The following INPP4B variants were observed in gnomAD, a reference collection of about 807,000 sequenced individuals.
INPP4B encodes the protein inositol polyphosphate 4-phosphatase type II.
Under a neutral mutation model 122.5 loss-of-function variants are expected in INPP4B, and 55 were observed. That is an observed-to-expected ratio of 0.45 (90% CI 0.36 to 0.56). The LOEUF (loss-of-function observed/expected upper bound fraction) is 0.56. INPP4B is among the 20% of genes least tolerant of loss of function. INPP4B has a pLI of 0.00. For synonymous variants in INPP4B, 403 were observed against 388.7 expected (o/e 1.04, Z -0.43); for missense variants, 1,000 against 1,097.7 (o/e 0.91, Z 1.26).
intron 8 of INPP4B, among the ~76,000 whole-genome samples, chr4:142,312,236 C>G (rs1256899688): frequency 6.6e-6 from 1 of 152,106 alleles, no homozygotes; most frequent in African/African-American, 2.4e-5. Context: ...GATGAGGAGC[C>G]AGTATAGAGA....
chr4:142,670,755 T>C (rs1167062727), intron 2 of INPP4B, among the ~76,000 whole-genome samples: 1 of 152,122 alleles, frequency 6.6e-6, no homozygotes, highest in Non-Finnish European at 1.5e-5. Flanking sequence ...CAATATTTAA[T>C]AATATATTGT....
At chr4:142,458,321 A>G (rs1337950396) in intron 3 of INPP4B, among the ~76,000 whole-genome samples, 1 of 152,088 alleles carries the variant, frequency 6.6e-6, no homozygotes, top group Non-Finnish European at 1.5e-5. Context: ...TTTGTGGGAT[A>G]ATGTTAAGTG....
At chr4:142,590,713 A>G (rs1474778782) in intron 2 of INPP4B, among the ~76,000 whole-genome samples, 1 of 151,724 alleles carries the variant, frequency 6.6e-6, no homozygotes, top group African/African-American at 2.4e-5. Flanking sequence ...ATATAAAAAG[A>G]TATTCATAAA....
intron 2 of INPP4B, among the ~76,000 whole-genome samples, chr4:142,629,809 T>C (rs1048964857): frequency 1.3e-5 from 2 of 152,104 alleles, no homozygotes; most frequent in Admixed American, 6.6e-5. Context: ...CTCTGCCCAA[T>C]TGCCCTTCAC....
chr4:142,225,310 C>A (rs1453391452), intron 12 of INPP4B, among the ~76,000 whole-genome samples: 1 of 152,094 alleles, frequency 6.6e-6, no homozygotes, highest in Non-Finnish European at 1.5e-5. Context: ...TGGCCACAGG[C>A]TGAAGGCTGC....
chr4:142,499,247 T>C (rs1715561910), intron 2 of INPP4B, among the ~76,000 whole-genome samples: 1 of 152,160 alleles, frequency 6.6e-6, no homozygotes. Flanking sequence ...ACTGCTCTTG[T>C]TGTTCATTTG....
At chr4:142,496,617 T>C (rs1822606982) in intron 2 of INPP4B, among the ~76,000 whole-genome samples, 1 of 152,198 alleles carries the variant, frequency 6.6e-6, no homozygotes, top group South Asian at 2.1e-4. Context: ...GTGAGAGTAT[T>C]GTTTCCTATT....
intron 15 of INPP4B, among the ~76,000 whole-genome samples, chr4:142,188,528 G>A (rs1326427511): frequency 2.0e-5 from 2 of 100,956 alleles, no homozygotes; most frequent in Admixed American, 1.2e-4. Context: ...AATATATATA[G>A]CTTGACTTAT....
rs77264271 is a variant in INPP4B, at chr4:142,299,169, T to G, written c.503+6289A>C. 6.7e-3 allele frequency among the ~76,000 whole-genome samples: 983 copies of G among 145,698 alleles called. 12 individuals carry two copies. Among genetic ancestry groups the G allele is most frequent in the South Asian group, 0.014 (66 of 4,622 alleles). On this transcript the variant is annotated intron_variant, in intron 9 of 25. Transcript: ENST00000262992. ...TTTTCTTTCTTTCTTTTTTTTTTTT[T>G]GGGGGGGAGACAGAGTCTTGCTCTT...
chr4:142,028,804 GTCCCCT>G lies in INPP4B; in HGVS notation c.2747_2752del (p.Glu916_Thr918delinsAla). The G allele has an allele frequency of 6.2e-7, 1 of 1,611,082 alleles. No homozygotes were observed. Among genetic ancestry groups the G allele is most frequent in the Non-Finnish European group, 8.5e-7 (1 of 1,179,016 alleles). On this transcript the variant is annotated inframe_deletion, in exon 26 of 26. Transcript: ENST00000262992. ...AACTTAGGTGTCAGCTTTTCCATAA[GTCCCCT>G]CTGGAGGTCTGTAGTACTTGGGGAA...
At chr4:142,526,829 A>G (rs2149961742) in intron 2 of INPP4B, among the ~76,000 whole-genome samples, 1 of 142,526 alleles carries the variant, frequency 7.0e-6, no homozygotes, top group Non-Finnish European at 1.5e-5. Flanking sequence ...TGTCATGTAA[A>G]AAGCAGGCCA....
intron 2 of INPP4B, among the ~76,000 whole-genome samples, chr4:142,550,362 C>T (rs1265181819): frequency 1.3e-5 from 2 of 151,962 alleles, no homozygotes; most frequent in African/African-American, 4.8e-5. Flanking sequence ...CTGTGTGGTA[C>T]ATAATTAAGG....
intron 12 of INPP4B, among the ~76,000 whole-genome samples, chr4:142,236,920 C>T (rs1856915025): frequency 6.6e-6 from 1 of 152,200 alleles, no homozygotes; most frequent in Non-Finnish European, 1.5e-5. Flanking sequence ...AGTGTTAACG[C>T]TTTAAAAGTT....
At chr4:142,121,223 G>A (rs562721287) in intron 21 of INPP4B, among the ~76,000 whole-genome samples, 2 of 148,352 alleles carry the variant, frequency 1.3e-5, no homozygotes, top group South Asian at 4.2e-4. Context: ...TTCTGAGGAT[G>A]TGGGTTTTTT....
At chr4:142,182,383 CA>C (rs1209542767) in intron 15 of INPP4B, among the ~76,000 whole-genome samples, 1 of 151,532 alleles carries the variant, frequency 6.6e-6, no homozygotes, top group Non-Finnish European at 1.5e-5. Context: ...CTCATCTCTA[CA>C]AAAAATACAA....
At chr4:142,386,312 T>C (rs963384246) in intron 7 of INPP4B, among the ~76,000 whole-genome samples, 1 of 152,196 alleles carries the variant, frequency 6.6e-6, no homozygotes, top group South Asian at 2.1e-4. Flanking sequence ...TCTTAGCTAT[T>C]GTGAATAATC....
At chr4:142,683,753 C>T (rs781598870) in intron 2 of INPP4B, among the ~76,000 whole-genome samples, 5 of 151,748 alleles carry the variant, frequency 3.3e-5, no homozygotes, top group Admixed American at 6.6e-5. Flanking sequence ...ATATGAATCA[C>T]ATGTGTAAAC....
chr4:142,400,932 T>C lies in INPP4B; in HGVS notation c.372+2006A>G, dbSNP rs1801391134. Among the ~76,000 whole-genome samples the C allele has an allele frequency of 3.3e-5, 5 of 152,194 alleles. No individual in the cohort carries two copies. In the South Asian group the frequency reaches 1.0e-3, roughly 32 times the overall value. On this transcript the variant is annotated intron_variant, in intron 7 of 25. Transcript: ENST00000262992. ...ATAGAAACACATTTGGCATGTAATA[T>C]TTCTAACTCTGATACTTCTAAATAC...
At chr4:142,736,992 C>T (rs570131980) in intron 1 of INPP4B, among the ~76,000 whole-genome samples, 78 of 152,146 alleles carry the variant, frequency 5.1e-4, no homozygotes, top group Non-Finnish European at 9.3e-4. Flanking sequence ...ACATTCCATG[C>T]TCATGGGTAG....
Sources: allele counts gnomAD v4.1 joint callset (sites outside exome capture counted in the v4.1 genomes callset), GRCh38; gene constraint gnomAD v4.1.1; transcripts MANE v1.5; gene names NCBI Gene and HGNC (gene_info 2026-07-23, HGNC 2026-07-21).